The following SLC7A1 variants were observed in gnomAD, a reference collection of about 807,000 sequenced individuals.
SLC7A1 encodes the protein high affinity cationic amino acid transporter 1.
Under a neutral mutation model 53.9 loss-of-function variants are expected in SLC7A1, and 10 were observed. The ratio of observed to expected loss-of-function variants is 0.19; its 90% CI spans 0.11 to 0.31. SLC7A1 has a LOEUF of 0.31. Ranked by LOEUF, SLC7A1 falls within the 10% of genes least tolerant of loss-of-function variation. The pLI is 1.00. For missense variants in SLC7A1, 525 were observed against 827.2 expected (o/e 0.63, Z 4.48); for synonymous variants, 342 against 338.7 (o/e 1.01, Z -0.11).
At chr13:29,526,786 G>A (rs918439935) in intron 5 of SLC7A1, among the ~76,000 whole-genome samples, 3 of 152,206 alleles carry the variant, frequency 2.0e-5, no homozygotes, top group Non-Finnish European at 2.9e-5. Flanking sequence ...GCAAAGCGAG[G>A]AGGCAAAACA....
chr13:29,530,085 T>A (rs1314878430), intron 5 of SLC7A1, among the ~76,000 whole-genome samples: 1 of 152,222 alleles, frequency 6.6e-6, no homozygotes, highest in African/African-American at 2.4e-5. Context: ...TCAAAAATAG[T>A]TTCACCTATT....
intron 1 of SLC7A1, among the ~76,000 whole-genome samples, chr13:29,562,806 A>G (rs1021423346): frequency 6.6e-6 from 1 of 152,254 alleles, no homozygotes; most frequent in Admixed American, 6.5e-5. Context: ...TTGTGGTTCT[A>G]TAATACTTAC....
At chr13:29,577,107 T>G (rs1337819796) in intron 1 of SLC7A1, among the ~76,000 whole-genome samples, 1 of 152,248 alleles carries the variant, frequency 6.6e-6, no homozygotes, top group African/African-American at 2.4e-5. Context: ...AAATTTGGCA[T>G]AAGGTCTTTT....
At chr13:29,533,976 A>G (rs1481677942) in intron 3 of SLC7A1, among the ~76,000 whole-genome samples, 1 of 152,226 alleles carries the variant, frequency 6.6e-6, no homozygotes, top group Non-Finnish European at 1.5e-5. Flanking sequence ...ATAAGTAAGT[A>G]TCTTTCCAAC....
At chr13:29,568,842 G>A (rs1019464091) in intron 1 of SLC7A1, among the ~76,000 whole-genome samples, 1 of 152,092 alleles carries the variant, frequency 6.6e-6, no homozygotes, top group Non-Finnish European at 1.5e-5. Context: ...GATCAAGTCC[G>A]TCCCTTTATT....
chr13:29,547,815 T>C (rs1869989221), intron 2 of SLC7A1, among the ~76,000 whole-genome samples: 1 of 152,226 alleles, frequency 6.6e-6, no homozygotes, highest in South Asian at 2.1e-4. Flanking sequence ...CATTTGTGCA[T>C]GTTTGGAAAT....
chr13:29,583,299 T>C (rs1354198260), intron 1 of SLC7A1, among the ~76,000 whole-genome samples: 1 of 152,240 alleles, frequency 6.6e-6, no homozygotes, highest in Non-Finnish European at 1.5e-5. Context: ...CATTTGGATA[T>C]GGGGCAGTAT....
intron 2 of SLC7A1, among the ~76,000 whole-genome samples, chr13:29,551,741 C>T (rs117847982): frequency 3.1e-4 from 47 of 152,290 alleles, no homozygotes; most frequent in Non-Finnish European, 5.9e-4. Flanking sequence ...AGCACCTAAA[C>T]AGGGAAGGAA....
At chr13:29,573,992 G>C (rs770498064) in intron 1 of SLC7A1, among the ~76,000 whole-genome samples, 11 of 152,206 alleles carry the variant, frequency 7.2e-5, no homozygotes, top group Non-Finnish European at 1.3e-4. Flanking sequence ...CTCACATGCT[G>C]AAAACAAAGA....
chr13:29,531,665 T>C (rs1869167698), intron 4 of SLC7A1, among the ~76,000 whole-genome samples: 1 of 152,096 alleles, frequency 6.6e-6, no homozygotes, highest in Non-Finnish European at 1.5e-5. Flanking sequence ...AAACCTTACC[T>C]CTACTAAAAA....
Position 29,537,214 on chromosome 13 carries a change from G to A in SLC7A1, c.-14-1012C>T, listed in dbSNP as rs187970038. On this transcript the variant is annotated intron_variant, in intron 2 of 12. Coordinates refer to ENST00000380752, the MANE Select transcript of SLC7A1 (RefSeq NM_003045.5). Reference sequence around the variant, plus strand: ...GATAAACTCTTCAGTGGAGAAACCCGAGGACCACCGCCTGCGGCAGGTGAC... The same window carrying A: ...GATAAACTCTTCAGTGGAGAAACCCAAGGACCACCGCCTGCGGCAGGTGAC... Among the ~76,000 whole-genome samples the A allele has an allele frequency of 2.1e-3, 325 of 152,326 alleles. 2 individuals carry two copies. Among genetic ancestry groups the A allele is most frequent in the Non-Finnish European group, 3.9e-3 (264 of 68,026 alleles).
intron 1 of SLC7A1, among the ~76,000 whole-genome samples, chr13:29,591,307 A>G (rs1043256853): frequency 3.3e-5 from 5 of 152,232 alleles, no homozygotes; most frequent in Admixed American, 1.3e-4. Flanking sequence ...AACAATATGA[A>G]AAAGAATTTA....
chr13:29,592,753 G>T (rs1193752817), intron 1 of SLC7A1, among the ~76,000 whole-genome samples: 1 of 152,166 alleles, frequency 6.6e-6, no homozygotes, highest in African/African-American at 2.4e-5. Context: ...GGGAAGAGAG[G>T]TCTAAACCCT....
At chr13:29,579,393 C>T (rs1303885685) in intron 1 of SLC7A1, among the ~76,000 whole-genome samples, 1 of 151,084 alleles carries the variant, frequency 6.6e-6, no homozygotes, top group South Asian at 2.1e-4. Context: ...TGGAGTCTCA[C>T]TCTGTTGCCC....
chr13:29,556,216 C>G (rs574880158), intron 1 of SLC7A1, among the ~76,000 whole-genome samples: 40 of 152,174 alleles, frequency 2.6e-4, no homozygotes, highest in African/African-American at 9.4e-4. Context: ...ACATTAAAGA[C>G]ACTGGCAAAT....
chr13:29,539,148 C>T (rs923611283), intron 2 of SLC7A1, among the ~76,000 whole-genome samples: 3 of 151,554 alleles, frequency 2.0e-5, no homozygotes, highest in Non-Finnish European at 4.4e-5. Context: ...CTGTCCTGGG[C>T]TTTTCAGGAG....
At chr13:29,540,542 C>T (rs926687148) in intron 2 of SLC7A1, among the ~76,000 whole-genome samples, 5 of 152,162 alleles carry the variant, frequency 3.3e-5, no homozygotes, top group East Asian at 1.9e-4. Context: ...AATGGTGTGA[C>T]GTTTTCACCT....
At chr13:29,556,477 C>T (rs1181033734) in intron 1 of SLC7A1, among the ~76,000 whole-genome samples, 1 of 152,174 alleles carries the variant, frequency 6.6e-6, no homozygotes, top group Admixed American at 6.5e-5. Context: ...TCCCTAGACT[C>T]AGGTGATTCT....
At chr13:29,523,166 A>C in intron 7 of SLC7A1, 100 bp downstream of exon 7, 2 of 946,230 alleles carry the variant, frequency 2.1e-6, no homozygotes, top group Non-Finnish European at 3.3e-6. Context: ...GAATGCTGGC[A>C]GCCGATGTGT....
Sources: gnomAD v4.1 joint callset for allele counts (sites outside exome capture counted in the v4.1 genomes callset) on GRCh38, gnomAD v4.1.1 for gene constraint, MANE v1.5 for transcripts, NCBI Gene and HGNC (gene_info 2026-07-23, HGNC 2026-07-21) for gene names.